The following CAMTA1 variants were observed in gnomAD, a reference collection of about 807,000 sequenced individuals.
CAMTA1 encodes calmodulin-binding transcription activator 1.
Under a neutral mutation model 170.9 loss-of-function variants are expected in CAMTA1, and 27 were observed. That is an observed-to-expected ratio of 0.16 (90% CI 0.12 to 0.22). CAMTA1 has a LOEUF of 0.22. Among genes scored for constraint, CAMTA1 ranks in the 10% least tolerant of loss-of-function variants. The pLI is 1.00. For synonymous variants in CAMTA1, 833 were observed against 891.5 expected (o/e 0.93, Z 1.17); for missense variants, 1,619 against 2,217.2 (o/e 0.73, Z 5.42).
chr1:7,029,830 T>C (rs1251985666), intron 3 of CAMTA1, among the ~76,000 whole-genome samples: 8 of 152,248 alleles, frequency 5.3e-5, no homozygotes, highest in Non-Finnish European at 8.8e-5. Context: ...AAACTCATTT[T>C]ATGTTAACAT....
At chr1:7,015,427 C>T (rs1700392517) in intron 3 of CAMTA1, among the ~76,000 whole-genome samples, 1 of 152,188 alleles carries the variant, frequency 6.6e-6, no homozygotes, top group Non-Finnish European at 1.5e-5. Context: ...AGGGTCTGGT[C>T]AGATGTCTTC....
intron 6 of CAMTA1, among the ~76,000 whole-genome samples, chr1:7,545,031 ACAAACCATATC>A (rs1404960374): frequency 2.0e-5 from 3 of 152,192 alleles, no homozygotes; most frequent in African/African-American, 7.2e-5. Context: ...TTCGGCAGTG[ACAAACCATATC>A]CAAACCATAG....
intron 3 of CAMTA1, among the ~76,000 whole-genome samples, chr1:6,968,049 T>C (rs975319795): frequency 5.3e-5 from 8 of 152,228 alleles, no homozygotes; most frequent in African/African-American, 1.9e-4. Flanking sequence ...ATTGCCAAAC[T>C]GAGCTGGCAG....
At chr1:7,085,569 G>T (rs1325637081) in intron 3 of CAMTA1, among the ~76,000 whole-genome samples, 2 of 152,274 alleles carry the variant, frequency 1.3e-5, no homozygotes, top group East Asian at 3.8e-4. Context: ...TCCAGAAGCT[G>T]CAGTGCACTG....
intron 6 of CAMTA1, among the ~76,000 whole-genome samples, chr1:7,480,414 T>TGA (rs1414759260): frequency 5.9e-5 from 9 of 151,800 alleles, no homozygotes; most frequent in East Asian, 3.9e-4. Context: ...TGTGTGTGTG[T>TGA]GTGAGAGAGA....
chr1:7,655,194 ACC>A (rs1235390997), intron 7 of CAMTA1, among the ~76,000 whole-genome samples: 1 of 146,506 alleles, frequency 6.8e-6, no homozygotes, highest in Non-Finnish European at 1.5e-5. Context: ...ACAAACACAC[ACC>A]CCTATACACA....
chr1:7,593,874 T>C (rs1342223188), intron 6 of CAMTA1, among the ~76,000 whole-genome samples: 1 of 151,018 alleles, frequency 6.6e-6, no homozygotes, highest in Non-Finnish European at 1.5e-5. Flanking sequence ...AAACCCCGTC[T>C]CTACTAAAAA....
intron 3 of CAMTA1, among the ~76,000 whole-genome samples, chr1:6,964,254 T>G (rs1486883495): frequency 6.6e-6 from 1 of 151,498 alleles, no homozygotes; most frequent in Non-Finnish European, 1.5e-5. Flanking sequence ...GAGTGGTGTG[T>G]CCTGGGTCTG....
chr1:6,962,766 G>C (rs1397558773), intron 3 of CAMTA1, among the ~76,000 whole-genome samples: 1 of 135,690 alleles, frequency 7.4e-6, no homozygotes, highest in Non-Finnish European at 1.6e-5. Flanking sequence ...CTTGCCCACC[G>C]AGCTCCTCTG....
rs146875087 is a variant in CAMTA1, at chr1:7,319,253, C to T, written c.438+69627C>T. 3.1e-3 allele frequency among the ~76,000 whole-genome samples: 468 copies of T among 152,158 alleles called. 2 individuals are homozygous for T. Among genetic ancestry groups the T allele is most frequent in the African/African-American group, 0.011 (449 of 41,484 alleles). ...TAGTGATATGGTTTGGATCTGTGTC[C>T]CCGCCCAAATCACATGTTCAGTTGT... On this transcript the variant is annotated intron_variant, in intron 5 of 22. Coordinates refer to ENST00000303635, the MANE Select transcript of CAMTA1 (RefSeq NM_015215.4).
intron 1 of CAMTA1, among the ~76,000 whole-genome samples, chr1:6,796,272 G>A (rs1642490297): frequency 2.0e-5 from 3 of 151,438 alleles, no homozygotes; most frequent in Non-Finnish European, 4.4e-5. Context: ...CAAGTAGCTG[G>A]GACTACAGGC....
chr1:7,174,186 A>G (rs1650274615), intron 4 of CAMTA1, among the ~76,000 whole-genome samples: 1 of 152,144 alleles, frequency 6.6e-6, no homozygotes, highest in African/African-American at 2.4e-5. Flanking sequence ...GGCCGGGAAA[A>G]TGGTTGTATT....
intron 11 of CAMTA1, among the ~76,000 whole-genome samples, chr1:7,719,684 G>T (rs905983176): frequency 2.0e-5 from 3 of 152,184 alleles, no homozygotes; most frequent in African/African-American, 7.2e-5. Flanking sequence ...CCTTCCCTCT[G>T]CACTTGGACA....
intron 6 of CAMTA1, among the ~76,000 whole-genome samples, chr1:7,598,311 A>G (rs1157272934): frequency 6.6e-6 from 1 of 152,228 alleles, no homozygotes; most frequent in African/African-American, 2.4e-5. Flanking sequence ...TATATGTGCC[A>G]CATTTTCTTA....
chr1:7,460,117 G>C (rs1198915081), intron 5 of CAMTA1, among the ~76,000 whole-genome samples: 1 of 152,264 alleles, frequency 6.6e-6, no homozygotes, highest in African/African-American at 2.4e-5. Context: ...TGTGTGTGGA[G>C]TCATGCACTC....
chr1:7,349,895 T>C (rs910163473), intron 5 of CAMTA1, among the ~76,000 whole-genome samples: 4 of 152,134 alleles, frequency 2.6e-5, no homozygotes, highest in African/African-American at 9.7e-5. Context: ...GCCCTGGGCC[T>C]TGGGGGCCTC....
At chr1:7,376,218 A>G (rs952751344) in intron 5 of CAMTA1, among the ~76,000 whole-genome samples, 8 of 152,208 alleles carry the variant, frequency 5.3e-5, no homozygotes, top group Admixed American at 3.9e-4. Context: ...TTGGTTATGA[A>G]TGTATTTATT....
At chr1:7,365,519 T>C (rs2085898260) in intron 5 of CAMTA1, among the ~76,000 whole-genome samples, 1 of 152,302 alleles carries the variant, frequency 6.6e-6, no homozygotes, top group East Asian at 1.9e-4. Context: ...GCGTCTTCTT[T>C]CCCTAGGCCC....
At chr1:7,206,684 G>C (rs7544314) in intron 4 of CAMTA1, among the ~76,000 whole-genome samples, 105,152 of 152,158 alleles carry the variant, frequency 0.69, 37,465 homozygotes, top group African/African-American at 0.87. Context: ...ATTTGTTGAA[G>C]TTGTCAAGTA....
Sources: gnomAD v4.1 joint callset for allele counts (sites outside exome capture counted in the v4.1 genomes callset) on GRCh38, gnomAD v4.1.1 for gene constraint, MANE v1.5 for transcripts, NCBI Gene and HGNC (gene_info 2026-07-23, HGNC 2026-07-21) for gene names.